Variants in TDO2 observed in about 807,000 individuals in gnomAD.
The protein encoded by TDO2 is tryptamin 2,3-dioxygenase.
A neutral mutation model predicts 61.2 loss-of-function variants in TDO2; 63 were observed. The ratio of observed to expected loss-of-function variants is 1.03; its 90% CI spans 0.84 to 1.27. The LOEUF is 1.27. TDO2 is among the 50% of genes most tolerant of loss of function. The pLI is 0.00. For synonymous variants in TDO2, 183 were observed against 164.0 expected (o/e 1.12, Z -0.89); for missense variants, 494 against 469.5 (o/e 1.05, Z -0.48).
rs1027461484 is a variant in TDO2, at chr4:155,918,076, C to A, written c.977-73C>A. The A allele has an allele frequency of 7.1e-6, 10 of 1,405,408 alleles. No individual in the cohort carries two copies. In the Admixed American group the frequency reaches 7.4e-5, roughly 10 times the overall value. 87.1% of individuals were successfully genotyped at this position (1,405,408 alleles called of 1,614,324 possible). ...TCTCAGAAGCAATTATCATTACCAACCCCTCATTGTTAGAACATTGTGGAA... is the reference window on the plus strand; with the variant it reads ...TCTCAGAAGCAATTATCATTACCAAACCCTCATTGTTAGAACATTGTGGAA... On this transcript the variant is annotated intron_variant, in intron 10 of 11. Coordinates refer to ENST00000536354, the MANE Select transcript of TDO2 (RefSeq NM_005651.4).
Position 155,907,770 on chromosome 4 carries a change from G to A in TDO2, c.281G>A (p.Arg94Gln), listed in dbSNP as rs769986428. Residue 94 changes from arginine to glutamine, a missense_variant, in exon 4 of 12, where the codon CGA becomes CAA. Arg to Gln is a conservative substitution (Grantham distance 43). Coordinates refer to ENST00000536354, the MANE Select transcript of TDO2 (RefSeq NM_005651.4). Reference protein sequence around the residue: ...KQILWELDSVREIFQNGHVRD... With the variant: ...KQILWELDSVQEIFQNGHVRD... ...ATCCTCTGGGAGTTGGATTCTGTTC[G>A]AGAGATCTTTCAGAATGGCCATGTA... 15 of 1,613,204 alleles carry A rather than the reference G, an allele frequency of 9.3e-6. No individual in the cohort carries two copies. Among genetic ancestry groups the A allele is most frequent in the African/African-American group, 2.7e-5 (2 of 74,848 alleles).
chr4:155,918,826 C>G (rs994563333), intron 11 of TDO2: 1 of 152,128 alleles, frequency 6.6e-6, no homozygotes, highest in Non-Finnish European at 1.5e-5. Context: ...ATGGATACAT[C>G]GGGAAACTGA....
intron 6 of TDO2, 119 bp downstream of exon 6, chr4:155,910,330 T>G (rs992426896): frequency 7.4e-6 from 5 of 677,788 alleles, no homozygotes; most frequent in African/African-American, 3.8e-5. Flanking sequence ...GAAATAAGGA[T>G]AGAAAGAATT....
Position 155,919,827 on chromosome 4 carries a change from GT to G in TDO2, c.1068-5del. Reference sequence around the variant, plus strand: ...ACCAATGTAACACATCTTCATGTATGTTTTTCCAGTGATAGGTACAAGGTAT... The same window carrying G: ...ACCAATGTAACACATCTTCATGTATGTTTTCCAGTGATAGGTACAAGGTAT... On this transcript the variant is annotated splice_polypyrimidine_tract_variant and intron_variant, in intron 11 of 11. Transcript: ENST00000536354. 6.3e-7 allele frequency: 1 copy of G among 1,590,686 alleles called. No homozygotes were observed. The highest frequency in any genetic ancestry group is 1.2e-5 in the South Asian group (1 of 86,258).
At position 155,918,194 on chromosome 4, in the gene TDO2, G is replaced by A. The variant is rs773891785; in HGVS notation, c.1022G>A (p.Gly341Asp). 3.3e-5 allele frequency: 54 copies of A among 1,613,924 alleles called. No homozygotes were observed. Among genetic ancestry groups the A allele is most frequent in the Non-Finnish European group, 4.4e-5 (52 of 1,179,948 alleles). Residue 341 changes from glycine to aspartate, a missense_variant, in exon 11 of 12, where the codon GGC becomes GAC. Transcript: ENST00000536354. ...MVHRMLGSKAGTGGSSGYHYL... is the reference protein window; with the variant it reads ...MVHRMLGSKADTGGSSGYHYL... ...CACAGAATGCTGGGCAGCAAAGCTG[G>A]CACCGGTGGTTCCTCAGGCTATCAC... is the stretch of plus-strand genomic sequence containing the variant.
intron 7 of TDO2, among the ~76,000 whole-genome samples, chr4:155,912,848 C>A (rs1054887853): frequency 6.6e-6 from 1 of 152,084 alleles, no homozygotes; most frequent in African/African-American, 2.4e-5. Flanking sequence ...TAAAACCAAA[C>A]TTGAACATTT....
chr4:155,915,789 A>G, intron 8 of TDO2, 66 bp from the exon 9 acceptor site: 6 of 1,386,604 alleles, frequency 4.3e-6, no homozygotes, highest in Non-Finnish European at 6.0e-6. Context: ...TAAGATGACG[A>G]TGCCAAATTA....
chr4:155,905,790 G>C (rs959302400), intron 3 of TDO2: 13 of 152,066 alleles, frequency 8.5e-5, no homozygotes, highest in African/African-American at 3.1e-4. Context: ...AATGACTGGA[G>C]CCCAATCACT....
rs754230846 is a variant in TDO2 at position 155,903,708 on chromosome 4, G to C, written c.-51G>C. On this transcript the variant is annotated 5_prime_UTR_variant, in exon 1 of 12. Transcript: ENST00000536354. Reference sequence around the variant, plus strand: ...AGAACATCTGGGAAGGTCAATGATAGCATCTGCCTAGAGTCAAACCTCCGT... The same window carrying C: ...AGAACATCTGGGAAGGTCAATGATACCATCTGCCTAGAGTCAAACCTCCGT... 1.2e-6 allele frequency: 2 copies of C among 1,609,712 alleles called. No individual in the cohort carries two copies. The highest frequency in any genetic ancestry group is 3.3e-5 in the Admixed American group (2 of 59,958).
At chr4:155,916,141 A>C (rs1353302913) in intron 9 of TDO2, among the ~76,000 whole-genome samples, 3 of 149,822 alleles carry the variant, frequency 2.0e-5, no homozygotes, top group African/African-American at 7.4e-5. Flanking sequence ...GGGGTTAAAC[A>C]CTACACAAAT....
Position 155,910,067 on chromosome 4 carries a change from C to T in TDO2, c.474C>T (p.Phe158=). The change falls in exon 6 of 12, where the codon TTC becomes TTT. Residue 158 remains phenylalanine (F), a synonymous_variant. Coordinates refer to ENST00000536354, the MANE Select transcript of TDO2 (RefSeq NM_005651.4). ...CATCAGGCTTCCAGAGTTTGCAATT[C>T]CGACTATTAGAAAACAAGATAGGTG... ...SPASGFQSLQ[F]RLLENKIGVL... The T allele has an allele frequency of 6.3e-7, 1 of 1,584,842 alleles. No homozygotes were observed. Among genetic ancestry groups the T allele is most frequent in the Non-Finnish European group, 8.5e-7 (1 of 1,170,336 alleles).
chr4:155,905,005 A>G (rs186233066), intron 2 of TDO2, 62 bp from the exon 3 acceptor site: 1 of 1,152,922 alleles, frequency 8.7e-7, no homozygotes, highest in South Asian at 1.5e-5. Flanking sequence ...TCTACTTCTT[A>G]CTAAAGTTCA....
At position 155,910,198 on chromosome 4, in the gene TDO2, T is replaced by G. The variant is rs955052353; in HGVS notation, c.605T>G (p.Leu202Arg). The G allele has an allele frequency of 5.1e-6, 8 of 1,576,408 alleles. No homozygotes were observed. The South Asian group carries it at 9.4e-5, about 18-fold the overall frequency. The stretch of plus-strand genomic sequence containing the variant: ...AAATCTGAGCAGGAAAAGACACTTC[T>G]GGAATTAGTGGAGGTATGGATTCAT... ...LLKSEQEKTL[L>R]ELVEAWLERT... Residue 202 changes from leucine to arginine, a missense_variant, in exon 6 of 12, where the codon CTG (leucine) becomes CGG (arginine). Transcript: ENST00000536354.
Sources: allele counts gnomAD v4.1 joint callset (sites outside exome capture counted in the v4.1 genomes callset), GRCh38; gene constraint gnomAD v4.1.1; transcripts MANE v1.5; gene names NCBI Gene and HGNC (gene_info 2026-07-23, HGNC 2026-07-21).